Variants in TBC1D15 observed in about 807,000 individuals in gnomAD.
The protein encoded by TBC1D15 is GAP for RAB7.
TBC1D15 carries 39 observed loss-of-function variants against 95.4 expected under a neutral mutation model. The observed-to-expected ratio is 0.41, with a 90% CI of 0.32 to 0.53. The LOEUF is 0.53. TBC1D15 is among the 20% of genes least tolerant of loss of function. TBC1D15 has a pLI of 0.29. For missense variants in TBC1D15, 733 were observed against 794.3 expected, an observed-to-expected ratio of 0.92 and a Z score of 0.93; for synonymous variants, 258 against 261.3, an observed-to-expected ratio of 0.99 and a Z score of 0.12.
chr12:71,913,737 T>A (rs1216550040), intron 11 of TBC1D15, 89 bp from the exon 12 acceptor site: 1 of 822,816 alleles, frequency 1.2e-6, no homozygotes, highest in East Asian at 2.9e-5. Context: ...AAAGATACAA[T>A]TTTAAGCGAA....
intron 10 of TBC1D15, among the ~76,000 whole-genome samples, chr12:71,901,183 G>A (rs142042552): frequency 3.0e-4 from 45 of 152,132 alleles, no homozygotes; most frequent in African/African-American, 1.0e-3. Flanking sequence ...ATCACACCCG[G>A]CTAATTTTTA....
At position 71,913,839 on chromosome 12, in the gene TBC1D15, A is replaced by G. The variant is rs116878676; in HGVS notation, c.1314A>G (p.Gly438=). Residue 438 remains glycine (G), a synonymous_variant, in exon 12 of 17, where the codon GGA becomes GGG. Coordinates refer to ENST00000485960, the MANE Select transcript of TBC1D15 (RefSeq NM_001146213.3). ...TTTTCTTTTTAGGATATGTTCAAGG[A>G]ATGAGTGATTTACTTTCCCCTCTTT... ...MYDFDLGYVQ[G]MSDLLSPLLY... is the part of the protein sequence containing the mutation. 4.2e-3 allele frequency: 6,574 copies of G among 1,574,374 alleles called. 38 individuals are homozygous for G. The highest frequency in any genetic ancestry group is 0.016 in the South Asian group (1,364 of 84,212).
chr12:71,863,117 G>A (rs571767922), intron 1 of TBC1D15, among the ~76,000 whole-genome samples: 2 of 152,220 alleles, frequency 1.3e-5, no homozygotes, highest in South Asian at 2.1e-4. Flanking sequence ...GGTGGTTCAC[G>A]CCTACAATCT....
intron 1 of TBC1D15, among the ~76,000 whole-genome samples, chr12:71,869,330 G>A (rs1009245066): frequency 4.6e-5 from 7 of 152,036 alleles, no homozygotes; most frequent in Non-Finnish European, 1.0e-4. Context: ...TGAGACCAGC[G>A]TGGCCAACGT....
chr12:71,856,698 C>A (rs1889162459), intron 1 of TBC1D15, among the ~76,000 whole-genome samples: 1 of 152,004 alleles, frequency 6.6e-6, no homozygotes, highest in Non-Finnish European at 1.5e-5. Context: ...TCCTGTAGTA[C>A]AGAGGACCTA....
At chr12:71,914,923 A>G (rs1903325294) in intron 12 of TBC1D15, among the ~76,000 whole-genome samples, 1 of 151,762 alleles carries the variant, frequency 6.6e-6, no homozygotes, top group Non-Finnish European at 1.5e-5. Flanking sequence ...ATTTCCCCAA[A>G]TCTCTTGTCC....
chr12:71,861,214 C>G (rs186665845), intron 1 of TBC1D15, among the ~76,000 whole-genome samples: 3 of 152,098 alleles, frequency 2.0e-5, no homozygotes, highest in Non-Finnish European at 4.4e-5. Flanking sequence ...GTAATGCTGC[C>G]CTTATACAAT....
chr12:71,901,451 T>C (rs549833384), intron 10 of TBC1D15, among the ~76,000 whole-genome samples: 1 of 152,238 alleles, frequency 6.6e-6, no homozygotes, highest in South Asian at 2.1e-4. Flanking sequence ...TGAATGTCTG[T>C]AAGTTAATAT....
chr12:71,878,411 CAGAG>C (rs148681015), intron 3 of TBC1D15, among the ~76,000 whole-genome samples: 18 of 148,628 alleles, frequency 1.2e-4, no homozygotes, highest in Admixed American at 9.4e-4. Context: ...AAGTAGAAGT[CAGAG>C]AGAGAGAGAG....
chr12:71,868,427 T>G (rs747506553), intron 1 of TBC1D15, among the ~76,000 whole-genome samples: 1 of 152,016 alleles, frequency 6.6e-6, no homozygotes, highest in Non-Finnish European at 1.5e-5. Context: ...TTCTATTTTT[T>G]AGTAGAGACG....
chr12:71,852,154 C>A (rs912587334), intron 1 of TBC1D15, among the ~76,000 whole-genome samples: 8 of 152,208 alleles, frequency 5.3e-5, no homozygotes, highest in Admixed American at 4.6e-4. Context: ...ACTGCTATGG[C>A]TTATAGCTTG....
chr12:71,892,931 T>C (rs1280417881), intron 5 of TBC1D15, among the ~76,000 whole-genome samples: 2 of 151,744 alleles, frequency 1.3e-5, no homozygotes, highest in Admixed American at 6.6e-5. Context: ...TTTAGGTTCA[T>C]TCCAGTTTAA....
At chr12:71,842,453 A>G (rs1885255787) in intron 1 of TBC1D15, among the ~76,000 whole-genome samples, 1 of 152,210 alleles carries the variant, frequency 6.6e-6, no homozygotes, top group Admixed American at 6.5e-5. Context: ...TCATGAGGTC[A>G]GATCCTGAAA....
chr12:71,845,046 A>G (rs1481629608), intron 1 of TBC1D15, among the ~76,000 whole-genome samples: 1 of 152,218 alleles, frequency 6.6e-6, no homozygotes, highest in African/African-American at 2.4e-5. Context: ...AGTAGAAGTT[A>G]TTTGCAGAGA....
chr12:71,905,489 G>A (rs1224523565), intron 10 of TBC1D15, among the ~76,000 whole-genome samples: 1 of 151,868 alleles, frequency 6.6e-6, no homozygotes, highest in East Asian at 1.9e-4. Flanking sequence ...CCATGCCTGG[G>A]TAATTTTTGT....
chr12:71,889,686 G>A (rs906202490), intron 5 of TBC1D15, among the ~76,000 whole-genome samples: 1 of 152,130 alleles, frequency 6.6e-6, no homozygotes, highest in Non-Finnish European at 1.5e-5. Context: ...GGTTTGTTAT[G>A]TAGGTAAACT....
intron 1 of TBC1D15, among the ~76,000 whole-genome samples, chr12:71,866,714 G>A (rs1252470305): frequency 6.6e-6 from 1 of 152,152 alleles, no homozygotes; most frequent in East Asian, 1.9e-4. Flanking sequence ...ACCTCTCAAA[G>A]TGCTGGGATT....
intron 3 of TBC1D15, among the ~76,000 whole-genome samples, chr12:71,873,651 T>C (rs1362962438): frequency 6.6e-6 from 1 of 152,226 alleles, no homozygotes; most frequent in Non-Finnish European, 1.5e-5. Context: ...GCCACACTTT[T>C]TCAGAGCAGC....
At chr12:71,843,889 C>G (rs990828616) in intron 1 of TBC1D15, among the ~76,000 whole-genome samples, 75 of 152,174 alleles carry the variant, frequency 4.9e-4, no homozygotes, top group African/African-American at 1.6e-3. Flanking sequence ...TCACTTCAGA[C>G]TATCTGTGAT....
Sources: allele counts gnomAD v4.1 joint callset (sites outside exome capture counted in the v4.1 genomes callset), GRCh38; gene constraint gnomAD v4.1.1; transcripts MANE v1.5; gene names NCBI Gene and HGNC (gene_info 2026-07-23, HGNC 2026-07-21).